The following CNIH3 variants were observed in gnomAD, a reference collection of about 807,000 sequenced individuals.
CNIH3 encodes the protein cornichon family AMPA receptor auxiliary protein 3.
Under a neutral mutation model 24.1 loss-of-function variants are expected in CNIH3, and 14 were observed. That is an observed-to-expected ratio of 0.58 (90% CI 0.38 to 0.91). CNIH3 has a LOEUF of 0.91. CNIH3 is among the 40% of genes least tolerant of loss of function. The pLI, the probability that CNIH3 is intolerant of heterozygous loss-of-function variation, is 0.00. For synonymous variants in CNIH3, 68 were observed against 73.8 expected (o/e 0.92, Z 0.40); for missense variants, 178 against 196.8 (o/e 0.90, Z 0.57).
chr1:224,459,728 A>G (rs2102980279), intron 1 of CNIH3, among the ~76,000 whole-genome samples: 1 of 152,238 alleles, frequency 6.6e-6, no homozygotes, highest in East Asian at 1.9e-4. Flanking sequence ...GAGGAGAGAC[A>G]GGCTGCTCTG....
At chr1:224,606,038 A>G (rs1447823262) in intron 3 of CNIH3, among the ~76,000 whole-genome samples, 1 of 152,130 alleles carries the variant, frequency 6.6e-6, no homozygotes, top group Non-Finnish European at 1.5e-5. Context: ...AGGAAGGGGA[A>G]CATGTAGGTG....
chr1:224,595,845 T>C (rs1018827532), intron 3 of CNIH3, among the ~76,000 whole-genome samples: 1 of 152,222 alleles, frequency 6.6e-6, no homozygotes, highest in African/African-American at 2.4e-5. Context: ...AGCCAAAGCC[T>C]AACCCAGAGC....
chr1:224,559,419 T>C (rs924947058), intron 3 of CNIH3, among the ~76,000 whole-genome samples: 1 of 152,180 alleles, frequency 6.6e-6, no homozygotes, highest in African/African-American at 2.4e-5. Flanking sequence ...GGCTGGAGTG[T>C]GGTGGCCCTA....
intron 1 of CNIH3, among the ~76,000 whole-genome samples, chr1:224,520,428 C>CA (rs1240835918): frequency 2.0e-5 from 3 of 152,248 alleles, no homozygotes; most frequent in Non-Finnish European, 4.4e-5. Flanking sequence ...TCATCCTCAA[C>CA]ATTTGCTCTT....
chr1:224,728,713 C>T (rs957668225), intron 3 of CNIH3, among the ~76,000 whole-genome samples: 1 of 152,198 alleles, frequency 6.6e-6, no homozygotes, highest in Admixed American at 6.5e-5. Context: ...ATGGTCCATA[C>T]CCAAATGGGA....
chr1:224,712,892 C>G (rs1479946046), intron 3 of CNIH3, among the ~76,000 whole-genome samples: 1 of 152,210 alleles, frequency 6.6e-6, no homozygotes, highest in Admixed American at 6.5e-5. Flanking sequence ...GATCTAGTCC[C>G]TGAGGTTGCT....
At chr1:224,446,359 A>G (rs1314927433) in intron 1 of CNIH3, among the ~76,000 whole-genome samples, 3 of 152,118 alleles carry the variant, frequency 2.0e-5, no homozygotes, top group African/African-American at 4.8e-5. Context: ...TTTGGGGAGA[A>G]CAGACATCTT....
At chr1:224,464,038 C>T (rs905070479) in intron 1 of CNIH3, among the ~76,000 whole-genome samples, 35 of 151,832 alleles carry the variant, frequency 2.3e-4, no homozygotes, top group African/African-American at 8.2e-4. Flanking sequence ...ATCCGCCCAC[C>T]TCAGCCTCCC....
At chr1:224,736,907 G>GT (rs1456470277) in intron 5 of CNIH3, among the ~76,000 whole-genome samples, 3 of 152,204 alleles carry the variant, frequency 2.0e-5, no homozygotes, top group Non-Finnish European at 2.9e-5. Flanking sequence ...TGGAGGTTAG[G>GT]TTTTTTCCCT....
chr1:224,686,840 T>C (rs553388039), intron 3 of CNIH3, among the ~76,000 whole-genome samples: 1 of 152,392 alleles, frequency 6.6e-6, no homozygotes, highest in South Asian at 2.1e-4. Flanking sequence ...AAGCACACTA[T>C]GCAAGAATTA....
At chr1:224,588,968 G>GTTTT (rs974335950), downstream of CNIH3, among the ~76,000 whole-genome samples, 4 of 112,346 alleles carry the variant, frequency 3.6e-5, no homozygotes, top group African/African-American at 7.5e-5. Context: ...CTGACCCCCT[G>GTTTT]TTTTTTTTTT....
chr1:224,567,070 T>C (rs989314977), intron 4 of CNIH3, among the ~76,000 whole-genome samples: 1 of 152,266 alleles, frequency 6.6e-6, no homozygotes, highest in Admixed American at 6.5e-5. Context: ...CTAACTGGCA[T>C]GAGATGGTAT....
At chr1:224,652,785 C>A (rs191387337) in intron 1 of CNIH3, among the ~76,000 whole-genome samples, 1 of 152,186 alleles carries the variant, frequency 6.6e-6, no homozygotes, top group East Asian at 1.9e-4. Context: ...CCAGGTTGCA[C>A]GAATTGGTGG....
chr1:224,662,704 A>G (rs1685421917), intron 1 of CNIH3, among the ~76,000 whole-genome samples: 1 of 152,238 alleles, frequency 6.6e-6, no homozygotes, highest in African/African-American at 2.4e-5. Flanking sequence ...TTATAAGCCA[A>G]TTTGGTACCA....
At chr1:224,603,709 A>G (rs766138637) in intron 3 of CNIH3, among the ~76,000 whole-genome samples, 12 of 152,154 alleles carry the variant, frequency 7.9e-5, no homozygotes, top group Non-Finnish European at 1.3e-4. Context: ...ATTATTTTGT[A>G]TTGAAGAAAT....
chr1:224,681,538 G>T (rs1686405262), intron 2 of CNIH3, among the ~76,000 whole-genome samples: 1 of 152,184 alleles, frequency 6.6e-6, no homozygotes, highest in Admixed American at 6.5e-5. Context: ...GGAGGATTTG[G>T]TGCAGTCTGA....
exon 1 of CNIH3, chr1:224,434,684 T>G (rs1222655420): frequency 1.1e-6 from 1 of 875,856 alleles, no homozygotes; most frequent in Non-Finnish European, 1.4e-6. Context: ...GCCCCGGCAG[T>G]GGCTGCGGCG....
chr1:224,677,479 G>A (rs1433448783), intron 1 of CNIH3, among the ~76,000 whole-genome samples: 2 of 152,046 alleles, frequency 1.3e-5, no homozygotes, highest in Admixed American at 6.6e-5. Context: ...GTGTAGGGAC[G>A]CTGAAAGCCT....
At chr1:224,638,375 C>T (rs918421984) in intron 1 of CNIH3, among the ~76,000 whole-genome samples, 6 of 152,202 alleles carry the variant, frequency 3.9e-5, no homozygotes, top group African/African-American at 1.2e-4. Flanking sequence ...CAGGGGCCTC[C>T]GGAAGGCTCT....
Sources: allele counts gnomAD v4.1 joint callset (sites outside exome capture counted in the v4.1 genomes callset), GRCh38; gene constraint gnomAD v4.1.1; transcripts MANE v1.5; gene names NCBI Gene and HGNC (gene_info 2026-07-23, HGNC 2026-07-21).